The following PDLIM5 variants were observed in gnomAD, a reference collection of about 807,000 sequenced individuals.
The protein encoded by PDLIM5 is PDZ and LIM domain protein 5.
In PDLIM5, 34 loss-of-function variants were observed where a neutral mutation model predicts 64.2. The ratio of observed to expected loss-of-function variants is 0.53; its 90% CI spans 0.40 to 0.71. PDLIM5 has a LOEUF of 0.71. Ranked by LOEUF, PDLIM5 falls within the 30% of genes least tolerant of loss-of-function variation. PDLIM5 has a pLI of 0.00. For missense variants in PDLIM5, 683 were observed against 733.6 expected (o/e 0.93, Z 0.80); for synonymous variants, 253 against 269.1 (o/e 0.94, Z 0.59).
At chr4:94,601,407 T>C (rs1311701591) in intron 7 of PDLIM5, among the ~76,000 whole-genome samples, 1 of 152,172 alleles carries the variant, frequency 6.6e-6, no homozygotes, top group East Asian at 1.9e-4. Flanking sequence ...TTTTGACATA[T>C]GATTTGGGGC....
At chr4:94,569,614 T>C (rs1403435831) in intron 3 of PDLIM5, among the ~76,000 whole-genome samples, 3 of 152,164 alleles carry the variant, frequency 2.0e-5, no homozygotes, top group Non-Finnish European at 4.4e-5. Flanking sequence ...CAAGCCAGCG[T>C]TCCTGTCCAA....
chr4:94,661,146 G>C (rs1053104999), intron 11 of PDLIM5, among the ~76,000 whole-genome samples: 1 of 152,142 alleles, frequency 6.6e-6, no homozygotes, highest in African/African-American at 2.4e-5. Flanking sequence ...TTTAATCCCA[G>C]CTCTTTGGGA....
At chr4:94,564,657 T>TTTTTC (rs1491305024) in intron 3 of PDLIM5, among the ~76,000 whole-genome samples, 3 of 38,972 alleles carry the variant, frequency 7.7e-5, no homozygotes, top group African/African-American at 7.0e-4. Flanking sequence ...ATTTTGTCTC[T>TTTTTC]TTTTTTTTTT....
intron 3 of PDLIM5, among the ~76,000 whole-genome samples, chr4:94,546,386 G>A (rs1463527969): frequency 6.6e-6 from 1 of 152,070 alleles, no homozygotes; most frequent in African/African-American, 2.4e-5. Flanking sequence ...TTGCTCATTG[G>A]AAGTAACAGT....
chr4:94,611,048 CTCTT>C, intron 7 of PDLIM5: 1 of 1,523,644 alleles, frequency 6.6e-7, no homozygotes, highest in Non-Finnish European at 8.8e-7. Flanking sequence ...TGACTTAAAA[CTCTT>C]TCTAAATGCT....
At chr4:94,464,779 T>C (rs928316445) in intron 2 of PDLIM5, among the ~76,000 whole-genome samples, 1 of 152,224 alleles carries the variant, frequency 6.6e-6, no homozygotes, top group Non-Finnish European at 1.5e-5. Flanking sequence ...TAAATGTACC[T>C]CTGTCTATTC....
intron 3 of PDLIM5, among the ~76,000 whole-genome samples, chr4:94,525,954 GAAAGT>G (rs1730316369): frequency 6.6e-6 from 1 of 152,150 alleles, no homozygotes; most frequent in South Asian, 2.1e-4. Context: ...CTAATCACAT[GAAAGT>G]AAAGTCATTT....
In PDLIM5 at chr4:94,498,872, A is replaced by C. The variant is rs1727645998; in HGVS notation, c.97-24852A>C. ...TTTTTTATAAAGCCTGTTTTACTTT[A>C]TTATGTGACTTCATAATTATAACTA... On this transcript the variant is annotated intron_variant, in intron 2 of 12. Transcript: ENST00000317968. Among the ~76,000 whole-genome samples, 3 of 152,226 alleles carry C rather than the reference A, an allele frequency of 2.0e-5. No homozygotes were observed. In the South Asian group the frequency reaches 6.2e-4, roughly 31 times the overall value.
chr4:94,530,646 A>T (rs1202240746), intron 3 of PDLIM5, among the ~76,000 whole-genome samples: 1 of 151,614 alleles, frequency 6.6e-6, no homozygotes, highest in East Asian at 1.9e-4. Context: ...TTTACTGTCT[A>T]ACTTGTTATG....
At chr4:94,553,718 G>T (rs867662612) in intron 3 of PDLIM5, among the ~76,000 whole-genome samples, 2 of 152,068 alleles carry the variant, frequency 1.3e-5, no homozygotes, top group Admixed American at 6.6e-5. Context: ...TGATCCTGCA[G>T]CTCATCCCTC....
chr4:94,524,431 A>C (rs1377917016), intron 3 of PDLIM5, among the ~76,000 whole-genome samples: 2 of 151,430 alleles, frequency 1.3e-5, no homozygotes, highest in Non-Finnish European at 2.9e-5. Context: ...GGAATTCTTG[A>C]AATTTCTCAA....
chr4:94,568,466 C>T (rs1205252826), intron 3 of PDLIM5, among the ~76,000 whole-genome samples: 1 of 152,038 alleles, frequency 6.6e-6, no homozygotes, highest in East Asian at 1.9e-4. Context: ...TAATGAATTA[C>T]TCTTAAATTT....
intron 3 of PDLIM5, among the ~76,000 whole-genome samples, chr4:94,564,112 C>T (rs181577928): frequency 1.5e-4 from 23 of 151,580 alleles, no homozygotes; most frequent in African/African-American, 3.6e-4. Flanking sequence ...TACAGGCGTG[C>T]GCCACCACAC....
At chr4:94,655,478 A>C (rs1378731786) in intron 10 of PDLIM5, among the ~76,000 whole-genome samples, 3 of 152,216 alleles carry the variant, frequency 2.0e-5, no homozygotes, top group Non-Finnish European at 4.4e-5. Context: ...GAGAATAGGT[A>C]GTATGAATTA....
At chr4:94,456,818 CTT>C in intron 2 of PDLIM5, 1 of 1,149,308 alleles carries the variant, frequency 8.7e-7, no homozygotes, top group Non-Finnish European at 1.1e-6. Flanking sequence ...TACCAACAAA[CTT>C]GGATATTTAT....
chr4:94,544,781 G>T (rs1732159608), intron 3 of PDLIM5, among the ~76,000 whole-genome samples: 1 of 152,160 alleles, frequency 6.6e-6, no homozygotes, highest in Admixed American at 6.5e-5. Flanking sequence ...TCAGCCTCCC[G>T]AGTAGCTGGA....
At chr4:94,454,391 ACACT>A (rs967816464) in intron 1 of PDLIM5, among the ~76,000 whole-genome samples, 1 of 149,674 alleles carries the variant, frequency 6.7e-6, no homozygotes, top group African/African-American at 2.5e-5. Context: ...CATCACACGC[ACACT>A]TAACAGCAGA....
At chr4:94,633,931 A>G (rs1470023974) in intron 8 of PDLIM5, among the ~76,000 whole-genome samples, 4 of 152,142 alleles carry the variant, frequency 2.6e-5, no homozygotes, top group African/African-American at 9.7e-5. Context: ...CAACTGGAGA[A>G]AAGATTTCCA....
chr4:94,575,553 G>T, intron 4 of PDLIM5, 63 bp from the exon 5 acceptor site: 2 of 1,130,316 alleles, frequency 1.8e-6, no homozygotes, highest in South Asian at 1.6e-5. Flanking sequence ...TGTTCTTTTC[G>T]GTGAAATATA....
Sources: allele counts gnomAD v4.1 joint callset (sites outside exome capture counted in the v4.1 genomes callset), GRCh38; gene constraint gnomAD v4.1.1; transcripts MANE v1.5; gene names NCBI Gene and HGNC (gene_info 2026-07-23, HGNC 2026-07-21).